The following KCNN2 variants were observed in gnomAD, a reference collection of about 807,000 sequenced individuals.
KCNN2 encodes the protein small conductance calcium-activated potassium channel protein 2.
A neutral mutation model predicts 55.5 loss-of-function variants in KCNN2; 24 were observed. The ratio of observed to expected loss-of-function variants is 0.43; its 90% CI spans 0.31 to 0.61. The LOEUF (loss-of-function observed/expected upper bound fraction) is 0.61. Ranked by LOEUF, KCNN2 falls within the 20% of genes least tolerant of loss-of-function variation. The pLI is 0.08. For missense variants in KCNN2, 754 were observed against 853.6 expected (o/e 0.88, Z 1.45); for synonymous variants, 431 against 336.1 (o/e 1.28, Z -3.09).
chr5:114,063,033 G>A (rs1750363996), intron 1 of KCNN2, among the ~76,000 whole-genome samples: 2 of 152,188 alleles, frequency 1.3e-5, no homozygotes, highest in Admixed American at 6.5e-5. Context: ...CTTTAAGGAA[G>A]AGTTTTTTCT....
chr5:114,103,790 G>A (rs1751422109), intron 1 of KCNN2, among the ~76,000 whole-genome samples: 1 of 152,102 alleles, frequency 6.6e-6, no homozygotes, highest in African/African-American at 2.4e-5. Context: ...TGATGCTGGT[G>A]GAAGAGCTTT....
chr5:114,364,616 CTT>C (rs398065116), intron 2 of KCNN2, among the ~76,000 whole-genome samples: 4 of 138,488 alleles, frequency 2.9e-5, no homozygotes, highest in Non-Finnish European at 3.2e-5. Flanking sequence ...CTTGTGAGTT[CTT>C]TTTTTTTTTT....
At chr5:114,236,032 C>G (rs1219583391) in intron 2 of KCNN2, among the ~76,000 whole-genome samples, 1 of 152,202 alleles carries the variant, frequency 6.6e-6, no homozygotes, top group African/African-American at 2.4e-5. Flanking sequence ...TCCATTTTAT[C>G]TTCCTCCTTG....
chr5:114,196,344 T>A (rs948835201), intron 1 of KCNN2, among the ~76,000 whole-genome samples: 1 of 152,024 alleles, frequency 6.6e-6, no homozygotes, highest in Non-Finnish European at 1.5e-5. Flanking sequence ...TCTTGTGATA[T>A]CTTTTATATC....
chr5:114,399,989 T>C (rs1758738643), intron 2 of KCNN2, among the ~76,000 whole-genome samples: 1 of 151,582 alleles, frequency 6.6e-6, no homozygotes. Context: ...CATTTCTGAT[T>C]GTGATTATTT....
chr5:114,438,757 C>T (rs556361835), intron 3 of KCNN2, among the ~76,000 whole-genome samples: 47 of 152,258 alleles, frequency 3.1e-4, no homozygotes, highest in African/African-American at 1.1e-3. Flanking sequence ...AAATTCTGCC[C>T]TGGTGCCTCT....
intron 2 of KCNN2, among the ~76,000 whole-genome samples, chr5:114,282,448 T>G (rs1360910430): frequency 1.3e-5 from 2 of 152,166 alleles, no homozygotes; most frequent in African/African-American, 4.8e-5. Flanking sequence ...GAATGTCTTT[T>G]TAAGTTTTTG....
At chr5:114,213,520 A>G (rs962608954) in intron 1 of KCNN2, among the ~76,000 whole-genome samples, 6 of 151,640 alleles carry the variant, frequency 4.0e-5, no homozygotes, top group Non-Finnish European at 8.8e-5. Context: ...TATAATTTGC[A>G]TTCCTGAAAT....
intron 1 of KCNN2, among the ~76,000 whole-genome samples, chr5:114,162,004 T>A (rs1752796764): frequency 6.6e-6 from 1 of 152,242 alleles, no homozygotes; most frequent in South Asian, 2.1e-4. Context: ...TCTCAGCTCA[T>A]GAAAGTCATT....
intron 1 of KCNN2, among the ~76,000 whole-genome samples, chr5:114,152,788 G>A (rs558465158): frequency 2.0e-5 from 3 of 152,142 alleles, no homozygotes; most frequent in Non-Finnish European, 2.9e-5. Flanking sequence ...AGGAAAACAC[G>A]TGTCTGGAAG....
At chr5:114,448,760 A>G (rs936175380) in intron 3 of KCNN2, among the ~76,000 whole-genome samples, 1 of 152,226 alleles carries the variant, frequency 6.6e-6, no homozygotes, top group African/African-American at 2.4e-5. Context: ...GCTGGAGGCT[A>G]AGACTTCTTG....
intron 2 of KCNN2, among the ~76,000 whole-genome samples, chr5:114,272,414 T>TAC (rs1300040684): frequency 0.042 from 576 of 13,638 alleles, 81 homozygotes; most frequent in African/African-American, 0.071. Context: ...TGTACATATC[T>TAC]ACACACATAT....
chr5:114,312,702 TAAAA>T (rs1207581105), intron 2 of KCNN2, among the ~76,000 whole-genome samples: 1 of 151,824 alleles, frequency 6.6e-6, no homozygotes, highest in Admixed American at 6.6e-5. Context: ...GTGGAAGAAA[TAAAA>T]TGGAAAAATC....
At chr5:114,152,722 A>G (rs939851075) in intron 1 of KCNN2, among the ~76,000 whole-genome samples, 13 of 152,170 alleles carry the variant, frequency 8.5e-5, no homozygotes, top group South Asian at 2.1e-4. Flanking sequence ...ATCTCTAAGG[A>G]GGAAATTTGA....
intron 2 of KCNN2, among the ~76,000 whole-genome samples, chr5:114,391,779 C>T (rs1758457870): frequency 6.6e-6 from 1 of 152,122 alleles, no homozygotes; most frequent in Non-Finnish European, 1.5e-5. Flanking sequence ...TTCAGCTGCT[C>T]AAGTAACAGA....
chr5:114,285,043 G>A (rs569320663), intron 2 of KCNN2, among the ~76,000 whole-genome samples: 33 of 151,774 alleles, frequency 2.2e-4, no homozygotes, highest in African/African-American at 7.5e-4. Context: ...AGGACTTTGG[G>A]AGGCTGAGGC....
At chr5:114,059,994 T>G (rs748907265) in intron 1 of KCNN2, among the ~76,000 whole-genome samples, 31 of 152,198 alleles carry the variant, frequency 2.0e-4, no homozygotes, top group Non-Finnish European at 2.6e-4. Flanking sequence ...TTTTTGACAG[T>G]CACCAGGTAA....
intron 1 of KCNN2, among the ~76,000 whole-genome samples, chr5:114,078,182 TAATG>T (rs1008625422): frequency 3.3e-5 from 5 of 152,156 alleles, no homozygotes; most frequent in Non-Finnish European, 2.9e-5. Context: ...GATTTAAAAA[TAATG>T]AAAAGTACCT....
chr5:114,236,492 A>G (rs1580646860), intron 2 of KCNN2, among the ~76,000 whole-genome samples: 1 of 152,154 alleles, frequency 6.6e-6, no homozygotes, highest in East Asian at 1.9e-4. Context: ...ATGAGTACTC[A>G]TGAATCCAGA....
Sources: gnomAD v4.1 joint callset for allele counts (sites outside exome capture counted in the v4.1 genomes callset) on GRCh38, gnomAD v4.1.1 for gene constraint, MANE v1.5 for transcripts, NCBI Gene and HGNC (gene_info 2026-07-23, HGNC 2026-07-21) for gene names.